The following PTPRN2 variants were observed in gnomAD, a reference collection of about 807,000 sequenced individuals.
PTPRN2 encodes receptor-type tyrosine-protein phosphatase N2.
Under a neutral mutation model 118.8 loss-of-function variants are expected in PTPRN2, and 74 were observed. That is an observed-to-expected ratio of 0.62 (90% confidence interval 0.52 to 0.76). PTPRN2 has a LOEUF of 0.76. PTPRN2 is among the 30% of genes least tolerant of loss of function. The pLI, the probability that PTPRN2 is intolerant of heterozygous loss-of-function variation, is 0.00. For synonymous variants in PTPRN2, 641 were observed against 608.0 expected (o/e 1.05, Z -0.80); for missense variants, 1,481 against 1,394.4 (o/e 1.06, Z -0.99).
At chr7:158,191,561 A>T (rs1825767929) in intron 5 of PTPRN2, among the ~76,000 whole-genome samples, 1 of 152,026 alleles carries the variant, frequency 6.6e-6, no homozygotes, top group African/African-American at 2.4e-5. Context: ...GGACCTGTGA[A>T]CTCTGGCCTA....
chr7:158,541,505 C>T lies in PTPRN2; in HGVS notation c.112+46053G>A, dbSNP rs748152333. ...CCCTCGTCTGTGGACCTGAAACAAA[C>T]ATCACTTCCACCCTGGGCAAGGTGT... On this transcript the variant is annotated intron_variant, in intron 1 of 22. Transcript: ENST00000389418. 6 of 1,352,062 alleles carry T rather than the reference C, an allele frequency of 4.4e-6. No homozygotes were observed. In the Admixed American group the frequency reaches 7.6e-5, roughly 17 times the overall value. The allele number at this position is 1,352,062 out of a possible 1,614,324, so 83.8% of individuals were successfully genotyped here.
chr7:158,062,083 T>C (rs1431581695), intron 11 of PTPRN2, among the ~76,000 whole-genome samples: 1 of 152,256 alleles, frequency 6.6e-6, no homozygotes, highest in Non-Finnish European at 1.5e-5. Flanking sequence ...GAGCCCACGC[T>C]GACTTCTGCA....
chr7:158,352,996 G>A (rs763251427), intron 2 of PTPRN2, among the ~76,000 whole-genome samples: 2 of 152,338 alleles, frequency 1.3e-5, no homozygotes, highest in Admixed American at 6.5e-5. Flanking sequence ...CTCCTATTCC[G>A]GGTCTCCTAA....
chr7:157,795,418 C>T (rs1804809786), intron 12 of PTPRN2, among the ~76,000 whole-genome samples: 1 of 152,240 alleles, frequency 6.6e-6, no homozygotes, highest in South Asian at 2.1e-4. Flanking sequence ...TGCTCACCCT[C>T]CCCAGGGGGC....
rs544549419 is a variant in PTPRN2, at chr7:158,234,953, G to A, written c.278-29680C>T. Among the ~76,000 whole-genome samples, 18 of 152,178 alleles carry A rather than the reference G, an allele frequency of 1.2e-4. No homozygotes were observed. The East Asian group carries it at 2.9e-3, about 25-fold the overall frequency. On this transcript the variant is annotated intron_variant, in intron 3 of 22. Transcript: ENST00000389418. Reference sequence around the variant, plus strand: ...AATTTTTTGTATTTTTAGTAGAGACGGGGTTTCACCATGTTGGCCAGGCTG... The same window carrying A: ...AATTTTTTGTATTTTTAGTAGAGACAGGGTTTCACCATGTTGGCCAGGCTG...
At chr7:158,012,662 C>G (rs1563327146) in intron 11 of PTPRN2, among the ~76,000 whole-genome samples, 1 of 152,204 alleles carries the variant, frequency 6.6e-6, no homozygotes, top group South Asian at 2.1e-4. Flanking sequence ...TATGGGGACT[C>G]ATCCATGAAG....
chr7:157,932,269 A>T (rs1799403674), intron 11 of PTPRN2, among the ~76,000 whole-genome samples: 1 of 152,248 alleles, frequency 6.6e-6, no homozygotes, highest in African/African-American at 2.4e-5. Context: ...TCTAATCAAC[A>T]GAACTTACAC....
intron 12 of PTPRN2, among the ~76,000 whole-genome samples, chr7:157,747,807 T>C (rs1285486491): frequency 8.3e-6 from 1 of 120,736 alleles, no homozygotes; most frequent in Admixed American, 8.4e-5. Flanking sequence ...GCTGTTGAGG[T>C]GATTCTGAGG....
intron 12 of PTPRN2, among the ~76,000 whole-genome samples, chr7:157,704,358 C>T (rs1798224138): frequency 6.6e-6 from 1 of 152,214 alleles, no homozygotes; most frequent in South Asian, 2.1e-4. Flanking sequence ...GGAGCTCCGA[C>T]CTTGGTTTTC....
At chr7:157,721,764 C>T (rs1799248433) in intron 12 of PTPRN2, among the ~76,000 whole-genome samples, 1 of 152,208 alleles carries the variant, frequency 6.6e-6, no homozygotes, top group African/African-American at 2.4e-5. Flanking sequence ...AGCCGGGTTT[C>T]TGCCTAGGGC....
At chr7:158,069,266 T>C (rs530621642) in intron 11 of PTPRN2, among the ~76,000 whole-genome samples, 1 of 152,336 alleles carries the variant, frequency 6.6e-6, no homozygotes, top group South Asian at 2.1e-4. Flanking sequence ...GTGACCATGG[T>C]TGTGACAGAT....
At chr7:158,336,484 T>C (rs1172096829) in intron 2 of PTPRN2, among the ~76,000 whole-genome samples, 3 of 129,124 alleles carry the variant, frequency 2.3e-5, no homozygotes, top group East Asian at 2.5e-4. Context: ...CCATAAGAGC[T>C]GACGCCCGCA....
chr7:158,136,790 A>G (rs768120736), intron 7 of PTPRN2, 95 bp from the exon 8 acceptor site: 2 of 1,166,774 alleles, frequency 1.7e-6, no homozygotes, highest in Middle Eastern at 1.9e-4. Context: ...ACCCCTCCAT[A>G]CGAAAGGTGA....
In PTPRN2 at chr7:157,986,437, T is replaced by C. The variant is rs1803796857; in HGVS notation, c.1724-87700A>G. Among the ~76,000 whole-genome samples the C allele has an allele frequency of 6.6e-6, 1 of 152,050 alleles. No homozygotes were observed. On this transcript the variant is annotated intron_variant, in intron 11 of 22. Transcript: ENST00000389418. This position sits in a 1 kb window ranked among gnomAD's most constrained non-coding sequence, Gnocchi z 4.5. ...CAGGGCACCCCGTGTGTGGTCACCG[T>C]GGTCAGTGGCAGAGGTGGGGCTGGA...
chr7:158,219,197 A>G (rs1828167639), intron 3 of PTPRN2, among the ~76,000 whole-genome samples: 1 of 152,194 alleles, frequency 6.6e-6, no homozygotes, highest in Non-Finnish European at 1.5e-5. Flanking sequence ...TCCAAAGAAA[A>G]TTGAAATCAT....
rs575375414 is a variant in PTPRN2 at position 157,714,268 on chromosome 7, C to T, written c.1789-31331G>A. Among the ~76,000 whole-genome samples, 22 of 152,320 alleles carry T rather than the reference C, an allele frequency of 1.4e-4. No individual in the cohort carries two copies. In the South Asian group the frequency reaches 3.7e-3, roughly 26 times the overall value. On this transcript the variant is annotated intron_variant, in intron 12 of 22. Transcript: ENST00000389418. ...ACAGTGTATGGATGCCAGATTAGTTCGTTTTACTGTCAGTATAGTACAGTC... is the reference window on the plus strand; with the variant it reads ...ACAGTGTATGGATGCCAGATTAGTTTGTTTTACTGTCAGTATAGTACAGTC...
chr7:158,071,783 G>C (rs1208984869), intron 11 of PTPRN2, among the ~76,000 whole-genome samples: 16 of 124,144 alleles, frequency 1.3e-4, no homozygotes, highest in Non-Finnish European at 2.0e-4. Context: ...AGGTGCTTGT[G>C]GTGGTGGAGG....
intron 6 of PTPRN2, among the ~76,000 whole-genome samples, chr7:158,148,542 C>G (rs1585626396): frequency 8.6e-6 from 1 of 116,542 alleles, no homozygotes; most frequent in Non-Finnish European, 1.9e-5. Flanking sequence ...ACAGGTCTTT[C>G]CCCCTCACTG....
At chr7:157,976,297 G>A (rs1439102956) in intron 11 of PTPRN2, among the ~76,000 whole-genome samples, 2 of 152,220 alleles carry the variant, frequency 1.3e-5, no homozygotes, top group Admixed American at 6.5e-5. Flanking sequence ...TGGCAGCCGA[G>A]TTCCAGCAGA....
Sources: allele counts gnomAD v4.1 joint callset (sites outside exome capture counted in the v4.1 genomes callset), GRCh38; gene constraint gnomAD v4.1.1; non-coding constraint Gnocchi (gnomAD v3.1); transcripts MANE v1.5; gene names NCBI Gene and HGNC (gene_info 2026-07-23, HGNC 2026-07-21).